Variants in USH2A observed in about 807,000 individuals in gnomAD.
The protein encoded by USH2A is Usher syndrome 2A (autosomal recessive, mild).
USH2A carries 443 observed loss-of-function variants against 538.9 expected under a neutral mutation model. The ratio of observed to expected loss-of-function variants is 0.82; its 90% CI spans 0.76 to 0.89. The LOEUF (loss-of-function observed/expected upper bound fraction) is 0.89. Ranked by LOEUF, USH2A falls within the 40% of genes least tolerant of loss-of-function variation. USH2A has a pLI of 0.00. For missense variants in USH2A, 6,633 were observed against 6,324.8 expected, an observed-to-expected ratio of 1.05 and a Z score of -1.65; for synonymous variants, 2,413 against 2,273.5, an observed-to-expected ratio of 1.06 and a Z score of -1.75.
chr1:216,086,985 C>T, intron 23 of USH2A, 165 bp from the exon 24 acceptor site: 2 of 621,508 alleles, frequency 3.2e-6, no homozygotes. Flanking sequence ...TCCTCAACAT[C>T]CCAGCATCAT....
chr1:216,200,128 T>TA lies in USH2A; in HGVS notation c.3317-8_3317-7insT. The TA allele has an allele frequency of 3.1e-6, 5 of 1,593,706 alleles. No individual in the cohort carries two copies. The highest frequency in any genetic ancestry group is 1.4e-5 in the African/African-American group (1 of 72,852). On this transcript the variant is annotated splice_region_variant and splice_polypyrimidine_tract_variant and intron_variant, in intron 16 of 71. Transcript: ENST00000307340. ...TCTAAGAAGTATTGAATACCTGAAA[T>TA]GAAAAGAAAAAAAAAAAACAAAGTT... is the stretch of plus-strand genomic sequence containing the variant.
intron 49 of USH2A, among the ~76,000 whole-genome samples, chr1:215,807,933 C>T (rs1385592850): frequency 6.6e-6 from 1 of 152,058 alleles, no homozygotes; most frequent in African/African-American, 2.4e-5. Context: ...AGTATTCTAA[C>T]TCAGCAGCCC....
intron 21 of USH2A, among the ~76,000 whole-genome samples, chr1:216,139,065 C>T (rs1558278904): frequency 6.6e-6 from 1 of 151,914 alleles, no homozygotes; most frequent in East Asian, 1.9e-4. Flanking sequence ...CTGTTTTTGC[C>T]CCATCTTATT....
intron 60 of USH2A, among the ~76,000 whole-genome samples, chr1:215,739,000 G>GTT (rs1249933595): frequency 6.6e-6 from 1 of 152,134 alleles, no homozygotes; most frequent in Non-Finnish European, 1.5e-5. Flanking sequence ...TGATATTGTT[G>GTT]TTGTCTAAGC....
intron 14 of USH2A, among the ~76,000 whole-genome samples, chr1:216,228,788 AT>A (rs2102515255): frequency 6.6e-6 from 1 of 152,306 alleles, no homozygotes; most frequent in South Asian, 2.1e-4. Flanking sequence ...ACAATTTGTA[AT>A]TTTAAAAAGG....
At chr1:216,207,242 T>C in intron 16 of USH2A, 31 bp downstream of exon 16, 2 of 1,612,942 alleles carry the variant, frequency 1.2e-6, no homozygotes, top group African/African-American at 1.3e-5. Flanking sequence ...TCTCAGAATA[T>C]TTATTTCTAT....
chr1:215,815,155 C>T (rs929392053), intron 48 of USH2A, among the ~76,000 whole-genome samples: 1 of 151,916 alleles, frequency 6.6e-6, no homozygotes. Context: ...CCTTTATTCT[C>T]TTTTACCGCA....
chr1:216,418,453 A>C, intron 3 of USH2A, 61 bp downstream of exon 3: 1 of 1,589,562 alleles, frequency 6.3e-7, no homozygotes, highest in East Asian at 2.2e-5. Context: ...CATTTAAAAG[A>C]GAGAAAGGAA....
intron 49 of USH2A, among the ~76,000 whole-genome samples, chr1:215,800,280 C>T (rs1475063101): frequency 2.0e-5 from 3 of 152,122 alleles, no homozygotes; most frequent in Non-Finnish European, 4.4e-5. Context: ...TTCCTTCTCT[C>T]TTTTGTCCTG....
intron 47 of USH2A, among the ~76,000 whole-genome samples, chr1:215,836,488 T>TAATATATATATAATATATATTA (rs1553267731): frequency 9.6e-5 from 2 of 20,808 alleles, no homozygotes; most frequent in Non-Finnish European, 1.8e-4. Context: ...ATAATATATA[T>TAATATATATATAATATATATTA]TATATATATA....
rs142772106 is a variant in USH2A at position 215,660,015 on chromosome 1, G to C, written c.14134-9214C>G. Among the ~76,000 whole-genome samples, 991 of 152,266 alleles carry C rather than the reference G, an allele frequency of 6.5e-3. 2 individuals are homozygous for C. The highest frequency in any genetic ancestry group is 0.011 in the Non-Finnish European group (779 of 68,020). On this transcript the variant is annotated intron_variant, in intron 64 of 71. Transcript: ENST00000307340. ...GTTTCTAGAAATTTCTGAGGAATGG[G>C]GTAGGGGATGAATACATTTATAAAT...
At chr1:216,092,721 C>T (rs74143936) in intron 22 of USH2A, among the ~76,000 whole-genome samples, 2,138 of 152,178 alleles carry the variant, frequency 0.014, 51 homozygotes, top group African/African-American at 0.049. Flanking sequence ...AGCATAAGCT[C>T]GTTGTTTCAT....
At chr1:216,135,383 G>A (rs2033465852) in intron 21 of USH2A, among the ~76,000 whole-genome samples, 2 of 151,872 alleles carry the variant, frequency 1.3e-5, no homozygotes, top group South Asian at 4.2e-4. Flanking sequence ...GCATATTTCG[G>A]TGGTCAAGAA....
At chr1:216,362,159 A>T (rs1008660482) in intron 4 of USH2A, among the ~76,000 whole-genome samples, 2 of 152,176 alleles carry the variant, frequency 1.3e-5, no homozygotes, top group Non-Finnish European at 2.9e-5. Context: ...ACTTTAAAAT[A>T]TCTAGACCAC....
Position 216,288,338 on chromosome 1 carries a change from C to T in USH2A, c.1971+942G>A, listed in dbSNP as rs139744093. ...TCTACTCTTCAGCTTTCTAATGAAG[C>T]ATGTAATGCCCCCTTATTGACACAT... On this transcript the variant is annotated intron_variant, in intron 11 of 71. Coordinates refer to ENST00000307340, the MANE Select transcript of USH2A (RefSeq NM_206933.4). Among the ~76,000 whole-genome samples the T allele has an allele frequency of 3.2e-3, 494 of 152,116 alleles. 2 individuals carry two copies. The highest frequency in any genetic ancestry group is 0.011 in the African/African-American group (468 of 41,522).
intron 32 of USH2A, among the ~76,000 whole-genome samples, chr1:216,024,850 T>C (rs1244536834): frequency 6.6e-6 from 1 of 151,968 alleles, no homozygotes; most frequent in Non-Finnish European, 1.5e-5. Flanking sequence ...CTGACATAGG[T>C]TTTATAATAT....
intron 40 of USH2A, among the ~76,000 whole-genome samples, chr1:215,894,349 G>T (rs1198355827): frequency 6.6e-6 from 1 of 152,130 alleles, no homozygotes; most frequent in East Asian, 1.9e-4. Context: ...TAAGATGTTT[G>T]TCATGCAATA....
At chr1:215,719,814 G>A (rs891288437) in intron 61 of USH2A, among the ~76,000 whole-genome samples, 2 of 152,170 alleles carry the variant, frequency 1.3e-5, no homozygotes, top group African/African-American at 4.8e-5. Flanking sequence ...ATTCCAGGAG[G>A]AGGGATTAAC....
intron 12 of USH2A, among the ~76,000 whole-genome samples, chr1:216,247,653 CAA>C (rs2036079581): frequency 6.6e-6 from 1 of 152,010 alleles, no homozygotes; most frequent in East Asian, 1.9e-4. Context: ...AAGCTGAGTA[CAA>C]AGTTTCAGCT....
Sources: allele counts gnomAD v4.1 joint callset (sites outside exome capture counted in the v4.1 genomes callset), GRCh38; gene constraint gnomAD v4.1.1; transcripts MANE v1.5; gene names NCBI Gene and HGNC (gene_info 2026-07-23, HGNC 2026-07-21).